Variants in TRIM44 observed in about 807,000 individuals in gnomAD.
The protein encoded by TRIM44 is tripartite motif-containing protein 44.
TRIM44 carries 13 observed loss-of-function variants against 37.4 expected under a neutral mutation model. The observed-to-expected ratio is 0.35, with a 90% CI of 0.23 to 0.55. The LOEUF (loss-of-function observed/expected upper bound fraction) is 0.55. TRIM44 is among the 20% of genes least tolerant of loss of function. The pLI is 0.89. For synonymous variants in TRIM44, 175 were observed against 157.2 expected, an observed-to-expected ratio of 1.11 and a Z score of -0.85; for missense variants, 426 against 437.2, an observed-to-expected ratio of 0.97 and a Z score of 0.23.
At chr11:35,704,319 A>G (rs1221122484) in intron 2 of TRIM44, among the ~76,000 whole-genome samples, 1 of 152,246 alleles carries the variant, frequency 6.6e-6, no homozygotes. Context: ...GAATGGAACC[A>G]AGTTGGAAAA....
rs554730790 is a variant in TRIM44 at position 35,742,955 on chromosome 11, G to A, written c.1007+7510G>A. 9.9e-5 allele frequency among the ~76,000 whole-genome samples: 15 copies of A among 151,590 alleles called. No individual in the cohort carries two copies. The South Asian group carries it at 3.1e-3, about 32-fold the overall frequency. ...TAGAGCCAGCATTCAAACTCAAGTA[G>A]TCTGACTCCAGACTGCAAGCTCTTA... On this transcript the variant is annotated intron_variant, in intron 4 of 4. Transcript: ENST00000299413.
intron 4 of TRIM44, among the ~76,000 whole-genome samples, chr11:35,758,454 G>A (rs1185769637): frequency 9.2e-5 from 14 of 152,040 alleles, no homozygotes; most frequent in Admixed American, 2.6e-4. Context: ...TCTTTATCCA[G>A]TTTGCCAGTC....
rs556583185 is a variant in TRIM44 at position 35,672,549 on chromosome 11, C to T, written c.669+8769C>T. ...CAGATCAAAAGGGTTTTAAGCCACA[C>T]CCTTTGCTTTTAAGATGGATATTTG... On this transcript the variant is annotated intron_variant, in intron 1 of 4. Transcript: ENST00000299413. 9.9e-5 allele frequency among the ~76,000 whole-genome samples: 15 copies of T among 152,258 alleles called. No homozygotes were observed. In the East Asian group the frequency reaches 2.7e-3, roughly 27 times the overall value.
At chr11:35,701,679 G>A (rs190851170) in intron 2 of TRIM44, among the ~76,000 whole-genome samples, 13 of 152,230 alleles carry the variant, frequency 8.5e-5, no homozygotes, top group African/African-American at 2.4e-4. Flanking sequence ...GGGGTCCTAG[G>A]CACGCATTTT....
chr11:35,715,913 T>C (rs1345415776), intron 2 of TRIM44, among the ~76,000 whole-genome samples: 1 of 152,160 alleles, frequency 6.6e-6, no homozygotes, highest in African/African-American at 2.4e-5. Flanking sequence ...TCCCTCATTA[T>C]ACAGTACCAA....
intron 4 of TRIM44, among the ~76,000 whole-genome samples, chr11:35,781,160 C>T (rs1440893774): frequency 6.6e-6 from 1 of 151,848 alleles, no homozygotes; most frequent in East Asian, 1.9e-4. Flanking sequence ...AACAAAGGAG[C>T]CATCCAAGCA....
At chr11:35,719,005 T>C (rs1438890958) in intron 2 of TRIM44, among the ~76,000 whole-genome samples, 1 of 152,164 alleles carries the variant, frequency 6.6e-6, no homozygotes, top group African/African-American at 2.4e-5. Context: ...CTTGGCTGCT[T>C]CCAAGTTTCT....
intron 2 of TRIM44, among the ~76,000 whole-genome samples, chr11:35,706,559 C>T (rs972811458): frequency 6.6e-6 from 1 of 152,178 alleles, no homozygotes; most frequent in African/African-American, 2.4e-5. Flanking sequence ...AAAAGCTTAT[C>T]CATCATGATC....
At chr11:35,676,522 T>C (rs1255952955) in intron 1 of TRIM44, among the ~76,000 whole-genome samples, 2 of 152,214 alleles carry the variant, frequency 1.3e-5, no homozygotes, top group African/African-American at 4.8e-5. Context: ...ACACAGCTGG[T>C]AGGTCTAATT....
intron 4 of TRIM44, among the ~76,000 whole-genome samples, chr11:35,770,021 A>T (rs1009214541): frequency 3.9e-5 from 6 of 152,078 alleles, no homozygotes; most frequent in African/African-American, 1.4e-4. Context: ...CCAGGTAGTG[A>T]GTGTAGTACC....
chr11:35,775,821 C>T (rs1443761638), intron 4 of TRIM44, among the ~76,000 whole-genome samples: 1 of 152,128 alleles, frequency 6.6e-6, no homozygotes, highest in African/African-American at 2.4e-5. Context: ...GGATGAAGCC[C>T]ACTTGATCAT....
At chr11:35,692,008 T>A (rs1409870550) in intron 2 of TRIM44, among the ~76,000 whole-genome samples, 1 of 152,206 alleles carries the variant, frequency 6.6e-6, no homozygotes, top group Non-Finnish European at 1.5e-5. Context: ...TAGTTTCTAT[T>A]GAATGTGTAG....
At chr11:35,703,960 C>T (rs1461034173) in intron 2 of TRIM44, among the ~76,000 whole-genome samples, 1 of 152,078 alleles carries the variant, frequency 6.6e-6, no homozygotes, top group Non-Finnish European at 1.5e-5. Context: ...TCAAACTACT[C>T]CGAGCTACAG....
At chr11:35,729,130 G>A (rs1037525122) in intron 3 of TRIM44, among the ~76,000 whole-genome samples, 1 of 151,894 alleles carries the variant, frequency 6.6e-6, no homozygotes, top group Admixed American at 6.6e-5. Flanking sequence ...ATGTATGCTA[G>A]CCTGGGTGTT....
rs11344545 is a variant in TRIM44, at chr11:35,711,468, G to GT, written c.748-14443dup. On this transcript the variant is annotated intron_variant, in intron 2 of 4. Coordinates refer to ENST00000299413, the MANE Select transcript of TRIM44 (RefSeq NM_017583.6). ...AATCTCTTCATTTCTCAGATTTTTT[G>GT]TTTTTTTTTTTTTCAGTTCCAAAAT... Among the ~76,000 whole-genome samples the GT allele has an allele frequency of 9.4e-3, 1,293 of 138,192 alleles. 9 individuals carry two copies. Among genetic ancestry groups the GT allele is most frequent in the African/African-American group, 0.026 (986 of 38,280 alleles). 90.7% of individuals were successfully genotyped at this position (138,192 alleles called of 152,430 possible).
intron 4 of TRIM44, 114 bp downstream of exon 4, chr11:35,735,559 C>A: frequency 9.7e-7 from 1 of 1,034,384 alleles, no homozygotes; most frequent in Non-Finnish European, 1.5e-6. Context: ...AAAGGGATCT[C>A]TATCTTAAGC....
chr11:35,688,544 T>C (rs919319576), intron 2 of TRIM44, among the ~76,000 whole-genome samples: 27 of 152,352 alleles, frequency 1.8e-4, no homozygotes, highest in African/African-American at 6.0e-4. Context: ...TTTACAAAAT[T>C]ATACCCATGG....
chr11:35,763,779 G>A (rs1033730846), intron 4 of TRIM44, among the ~76,000 whole-genome samples: 8 of 152,116 alleles, frequency 5.3e-5, no homozygotes, highest in East Asian at 1.9e-4. Context: ...CGTAGCCTTC[G>A]CTTTCTCCTT....
chr11:35,764,940 C>A (rs1343747823), intron 4 of TRIM44, among the ~76,000 whole-genome samples: 1 of 152,054 alleles, frequency 6.6e-6, no homozygotes, highest in Non-Finnish European at 1.5e-5. Context: ...AAAAAACCTC[C>A]TTCTCATACC....
Sources: allele counts gnomAD v4.1 joint callset (sites outside exome capture counted in the v4.1 genomes callset), GRCh38; gene constraint gnomAD v4.1.1; transcripts MANE v1.5; gene names NCBI Gene and HGNC (gene_info 2026-07-23, HGNC 2026-07-21).